Variants in TMEM263 observed in about 807,000 individuals in gnomAD.
TMEM263 encodes UPF0444 transmembrane protein C12orf23.
Under a neutral mutation model 8.6 loss-of-function variants are expected in TMEM263, and 5 were observed. The observed-to-expected ratio is 0.58, with a 90% confidence interval of 0.31 to 1.23. The LOEUF is 1.23. TMEM263 is among the 50% of genes most tolerant of loss of function. The pLI is 0.07. For synonymous variants in TMEM263, 50 were observed against 47.9 expected (o/e 1.04, Z -0.18); for missense variants, 104 against 138.8 (o/e 0.75, Z 1.26).
intron 2 of TMEM263, among the ~76,000 whole-genome samples, chr12:106,965,479 C>T (rs149693141): frequency 0.015 from 2,330 of 151,022 alleles, 46 homozygotes; most frequent in African/African-American, 0.055. Flanking sequence ...TGGTGATGCA[C>T]GACTGTAGTC....
At chr12:106,967,236 A>T in intron 3 of TMEM263, 56 bp downstream of exon 3, 1 of 1,084,036 alleles carries the variant, frequency 9.2e-7, no homozygotes, top group Non-Finnish European at 1.3e-6. Flanking sequence ...TAAAGTTCTG[A>T]TAGTTTTTAT....
chr12:106,966,033 C>T (rs1035535103), intron 2 of TMEM263, among the ~76,000 whole-genome samples: 9 of 152,004 alleles, frequency 5.9e-5, no homozygotes, highest in Admixed American at 5.2e-4. Flanking sequence ...AGATTCATTA[C>T]GTGGGTAAAA....
At chr12:106,957,395 A>G (rs1951714120) in intron 2 of TMEM263, among the ~76,000 whole-genome samples, 1 of 152,178 alleles carries the variant, frequency 6.6e-6, no homozygotes, top group African/African-American at 2.4e-5. Context: ...CATCGTTAGA[A>G]ATTATAACGG....
intron 1 of TMEM263, among the ~76,000 whole-genome samples, chr12:106,956,266 T>C (rs1388974723): frequency 1.3e-5 from 2 of 152,092 alleles, no homozygotes; most frequent in Non-Finnish European, 2.9e-5. Flanking sequence ...CTGGGGCTAC[T>C]CCTCCTTATA....
intron 2 of TMEM263, among the ~76,000 whole-genome samples, chr12:106,957,935 A>C (rs999719499): frequency 1.3e-5 from 2 of 152,242 alleles, no homozygotes; most frequent in Admixed American, 6.5e-5. Flanking sequence ...ACATAAAAAC[A>C]GTAAGCTGGA....
chr12:106,963,111 G>T (rs190740314), intron 2 of TMEM263, among the ~76,000 whole-genome samples: 1 of 152,188 alleles, frequency 6.6e-6, no homozygotes, highest in African/African-American at 2.4e-5. Flanking sequence ...AAAAGGCTTC[G>T]AGGAAAGGAT....
At chr12:106,957,304 T>G (rs1951712509) in intron 2 of TMEM263, among the ~76,000 whole-genome samples, 155 bp downstream of exon 2, 1 of 152,258 alleles carries the variant, frequency 6.6e-6, no homozygotes, top group Admixed American at 6.5e-5. Context: ...TTTTGCTTTT[T>G]CCACTTTCAT....
At chr12:106,966,018 T>G (rs1200216985) in intron 2 of TMEM263, among the ~76,000 whole-genome samples, 1 of 152,162 alleles carries the variant, frequency 6.6e-6, no homozygotes, top group East Asian at 1.9e-4. Flanking sequence ...CAGGAGTACA[T>G]GTGCAGATTC....
chr12:106,971,366 G>T lies in TMEM263; in HGVS notation c.326G>T (p.Gly109Val). 1.2e-6 allele frequency: 2 copies of T among 1,609,842 alleles called. No individual in the cohort carries two copies. Among genetic ancestry groups the T allele is most frequent in the Non-Finnish European group, 1.7e-6 (2 of 1,177,434 alleles). The change falls in exon 4 of 4, where the codon GGA becomes GTA. Residue 109 changes from glycine to valine, a missense_variant. Coordinates refer to ENST00000280756, the MANE Select transcript of TMEM263 (RefSeq NM_152261.4). ...GTTGTAAACAAAGTGCCCTTAACAG[G>T]AAAGAAGAAAGACAAATCTGACTGA... ...SAVVNKVPLT[G>V]KKKDKSD
At chr12:106,960,388 C>T (rs569251698) in intron 2 of TMEM263, among the ~76,000 whole-genome samples, 1 of 151,650 alleles carries the variant, frequency 6.6e-6, no homozygotes, top group East Asian at 1.9e-4. Flanking sequence ...GCACTTAGGA[C>T]TTTCAAGTCT....
At chr12:106,956,653 C>G (rs1392359928) in intron 1 of TMEM263, 1 of 152,310 alleles carries the variant, frequency 6.6e-6, no homozygotes, top group Admixed American at 6.5e-5. Flanking sequence ...TCACTGCCTC[C>G]CAGTCTAAAT....
At chr12:106,970,252 T>C (rs964342719) in intron 3 of TMEM263, among the ~76,000 whole-genome samples, 3 of 152,142 alleles carry the variant, frequency 2.0e-5, no homozygotes, top group Non-Finnish European at 1.5e-5. Flanking sequence ...ATGTCAAAAA[T>C]TGAGGCCCCA....
At position 106,970,689 on chromosome 12, in the gene TMEM263, C is replaced by T. The variant is rs144365162; in HGVS notation, c.65-416C>T. On this transcript the variant is annotated intron_variant, in intron 3 of 3. Coordinates refer to ENST00000280756, the MANE Select transcript of TMEM263 (RefSeq NM_152261.4). ...ATACCTTGAAAACTACTGCATTTTA[C>T]GAAGAAGATTGTTTCGGTAATGACT... Among the ~76,000 whole-genome samples, 168 of 152,230 alleles carry T rather than the reference C, an allele frequency of 1.1e-3. 4 individuals carry two copies. Among genetic ancestry groups the T allele is most frequent in the African/African-American group, 3.9e-3 (162 of 41,528 alleles).
At chr12:106,963,879 A>G (rs370612127) in intron 2 of TMEM263, among the ~76,000 whole-genome samples, 2 of 152,350 alleles carry the variant, frequency 1.3e-5, no homozygotes, top group Non-Finnish European at 2.9e-5. Flanking sequence ...GGTAGGCACC[A>G]GAAAGTCAGT....
intron 2 of TMEM263, among the ~76,000 whole-genome samples, chr12:106,962,943 T>A (rs1285709098): frequency 6.6e-6 from 1 of 152,222 alleles, no homozygotes; most frequent in East Asian, 1.9e-4. Flanking sequence ...TTTGTTCTCA[T>A]GGAGCTTACA....
chr12:106,967,081 A>G (rs1951856743), intron 2 of TMEM263, 30 bp from the exon 3 acceptor site: 1 of 1,459,490 alleles, frequency 6.9e-7, no homozygotes, highest in East Asian at 2.3e-5. Flanking sequence ...TGAGGTTAAA[A>G]TGAAATGTGT....
intron 1 of TMEM263, among the ~76,000 whole-genome samples, chr12:106,956,316 C>T (rs1951689949): frequency 6.6e-6 from 1 of 152,136 alleles, no homozygotes; most frequent in Admixed American, 6.5e-5. Context: ...CTTGCGCACC[C>T]CTGGAAAGCC....
Position 106,971,515 on chromosome 12 carries a change from A to G in TMEM263, c.*124A>G. ...TCTTCTAAACTGCTGTGTTGAAAGTATTGATGACTGGCTTTCATCTAAAAA... is the reference window on the plus strand; with the variant it reads ...TCTTCTAAACTGCTGTGTTGAAAGTGTTGATGACTGGCTTTCATCTAAAAA... On this transcript the variant is annotated 3_prime_UTR_variant, in exon 4 of 4. Transcript: ENST00000280756. 1 of 981,608 alleles carries G rather than the reference A, an allele frequency of 1.0e-6. No individual in the cohort carries two copies. The highest frequency in any genetic ancestry group is 1.5e-6 in the Non-Finnish European group (1 of 682,508). 60.8% of individuals were successfully genotyped at this position (981,608 alleles called of 1,614,324 possible). A position where few individuals can be genotyped will look rare whatever the true frequency, so the allele number is the denominator to read the frequency against.
intron 2 of TMEM263, among the ~76,000 whole-genome samples, chr12:106,966,462 G>A (rs1345064688): frequency 6.6e-6 from 1 of 152,280 alleles, no homozygotes; most frequent in East Asian, 1.9e-4. Context: ...CACGTGTGTG[G>A]TAGAATGATT....
Sources: gnomAD v4.1 joint callset for allele counts (sites outside exome capture counted in the v4.1 genomes callset) on GRCh38, gnomAD v4.1.1 for gene constraint, MANE v1.5 for transcripts, NCBI Gene and HGNC (gene_info 2026-07-23, HGNC 2026-07-21) for gene names.